NUTM1: variants seen among roughly 807,000 people sequenced by gnomAD.
NUTM1 encodes the protein NUT midline carcinoma family member 1.
In NUTM1, 39 loss-of-function variants were observed where a neutral mutation model predicts 88.7. That is an observed-to-expected ratio of 0.44 (90% confidence interval 0.34 to 0.57). The LOEUF (loss-of-function observed/expected upper bound fraction) is 0.57. Among genes scored for constraint, NUTM1 ranks in the 20% least tolerant of loss-of-function variants. The probability of loss-of-function intolerance (pLI) is 0.01; values close to 1 mark genes in which losing one functional copy is unlikely to be tolerated. For missense variants in NUTM1, 1,350 were observed against 1,414.5 expected, an observed-to-expected ratio of 0.95 and a Z score of 0.73; for synonymous variants, 494 against 538.0, an observed-to-expected ratio of 0.92 and a Z score of 1.13.
chr15:34,347,687 A>G (rs997505224), intron 2 of NUTM1, among the ~76,000 whole-genome samples: 1 of 152,096 alleles, frequency 6.6e-6, no homozygotes, highest in East Asian at 1.9e-4. Context: ...CCCCGTCTCT[A>G]TTAAAAATAC....
chr15:34,349,618 G>A (rs901098600), intron 3 of NUTM1, among the ~76,000 whole-genome samples: 52 of 152,080 alleles, frequency 3.4e-4, no homozygotes, highest in African/African-American at 1.2e-3. Flanking sequence ...CAACTGCCCT[G>A]TGCCCTCAGC....
rs370627533 is a variant in NUTM1, at chr15:34,356,406, C to A, written c.2398C>A (p.Pro800Thr). Residue 800 changes from proline (P) to threonine (T), a missense_variant, in exon 8 of 8, where the codon CCT becomes ACT. Physicochemically the swap from Pro to Thr is conservative, Grantham distance 38 (BLOSUM62 -1). Transcript: ENST00000537011. ...CTCCAGGGGCAACATTTCCCTGGGT[C>A]CTGGAGAAACCCTAGTACCTGGGGA... ...LGSRGNISLG[P>T]GETLVPGDTE... is the part of the protein sequence containing the mutation. 1 of 1,611,050 alleles carries A rather than the reference C, an allele frequency of 6.2e-7. No individual in the cohort carries two copies. The highest frequency in any genetic ancestry group is 1.3e-5 in the African/African-American group (1 of 74,772).
intron 3 of NUTM1, among the ~76,000 whole-genome samples, chr15:34,349,858 T>C (rs76516717): frequency 5.8e-4 from 89 of 152,290 alleles, no homozygotes; most frequent in African/African-American, 1.9e-3. Flanking sequence ...AATTTCAAAA[T>C]CTTGAACCAA....
intron 4 of NUTM1, among the ~76,000 whole-genome samples, chr15:34,351,589 T>C (rs1001505082): frequency 3.2e-4 from 49 of 152,120 alleles, no homozygotes; most frequent in African/African-American, 9.9e-4. Flanking sequence ...GGATTGGAGA[T>C]TGGACCCCGA....
Position 34,355,565 on chromosome 15 carries a change from G to A in NUTM1, c.1557G>A (p.Leu519=). Residue 519 remains leucine (L), a synonymous_variant, in exon 8 of 8, where the codon TTG becomes TTA. Coordinates refer to ENST00000537011, the MANE Select transcript of NUTM1 (RefSeq NM_001284292.2). The surrounding 1 kb of genome is among the most constrained non-coding windows in gnomAD (Gnocchi z 4.3). Reference sequence around the variant, plus strand: ...CTCCAAGTTTCAGTGGCGCTCAGTTGGACTCAAGTCCTTCTGGTTCTGTTG... The same window carrying A: ...CTCCAAGTTTCAGTGGCGCTCAGTTAGACTCAAGTCCTTCTGGTTCTGTTG... ...EAPPSFSGAQ[L]DSSPSGSVED... is the part of the protein sequence containing the mutation. 2 of 1,614,198 alleles carry A rather than the reference G, an allele frequency of 1.2e-6. No individual in the cohort carries two copies. Among genetic ancestry groups the A allele is most frequent in the Non-Finnish European group, 1.7e-6 (2 of 1,180,018 alleles).
chr15:34,352,403 C>T (rs1232934042), intron 4 of NUTM1, among the ~76,000 whole-genome samples: 2 of 152,076 alleles, frequency 1.3e-5, no homozygotes, highest in African/African-American at 4.8e-5. Context: ...GAGGATCCCA[C>T]TGTGAGATCC....
At chr15:34,346,134 C>T (rs563275490) in intron 2 of NUTM1, 99 bp downstream of exon 2, 63 of 1,224,016 alleles carry the variant, frequency 5.1e-5, no homozygotes, top group Middle Eastern at 2.1e-4. Context: ...TGCTACACCC[C>T]GTCAAAGGTA....
rs1328947499 is a variant in NUTM1 at position 34,355,708 on chromosome 15, G to C, written c.1700G>C (p.Gly567Ala). Residue 567 changes from glycine to alanine, a missense_variant, in exon 8 of 8, where the codon GGG becomes GCG. This residue lies in a region of NUTM1 where 730 missense variants were observed against 728.8 expected (regional missense o/e 1.00). Transcript: ENST00000537011. The surrounding 1 kb of genome is among the most constrained non-coding windows in gnomAD (Gnocchi z 4.3). ...AAACGGGCAAGAGAAGTGCATGGTG[G>C]GCAGGAGCAAGCCCTAGATAGCCCC... ...SGKRAREVHG[G>A]QEQALDSPRG... 1.2e-6 allele frequency: 2 copies of C among 1,610,984 alleles called. No homozygotes were observed. The highest frequency in any genetic ancestry group is 2.7e-5 in the African/African-American group (2 of 74,818).
At chr15:34,345,891 T>C (rs1371087982) in intron 1 of NUTM1, 51 bp from the exon 2 acceptor site, 2 of 1,605,532 alleles carry the variant, frequency 1.2e-6, no homozygotes, top group East Asian at 2.2e-5. Context: ...TTCTGTGTGA[T>C]CTGATCTTTA....
At position 34,348,238 on chromosome 15, in the gene NUTM1, G is replaced by A. The variant is rs202160501; in HGVS notation, c.370G>A (p.Gly124Arg). ...GKVIVKVKTE[G>R]GSAEPSQTQN... ...GGTCATTGTCAAAGTCAAGACAGAA[G>A]GGGGGTCAGCTGAGCCCTCTCAAAC... is the stretch of plus-strand genomic sequence containing the variant. The change falls in exon 3 of 8, where the codon GGG becomes AGG. Residue 124 changes from glycine (G) to arginine (R), a missense_variant. Gly to Arg is a moderately radical substitution (Grantham distance 125). This residue lies in a region of NUTM1 where 399 missense variants were observed against 397.9 expected (regional missense o/e 1.00). Transcript: ENST00000537011. The A allele has an allele frequency of 1.2e-6, 2 of 1,614,224 alleles. No homozygotes were observed. The highest frequency in any genetic ancestry group is 4.5e-5 in the East Asian group (2 of 44,888).
chr15:34,355,702 A>C lies in NUTM1; in HGVS notation c.1694A>C (p.His565Pro). 6.2e-7 allele frequency: 1 copy of C among 1,610,626 alleles called. No individual in the cohort carries two copies. The highest frequency in any genetic ancestry group is 8.5e-7 in the Non-Finnish European group (1 of 1,178,046). ...TCAGGAAAACGGGCAAGAGAAGTGCATGGTGGGCAGGAGCAAGCCCTAGAT... is the reference window on the plus strand; with the variant it reads ...TCAGGAAAACGGGCAAGAGAAGTGCCTGGTGGGCAGGAGCAAGCCCTAGAT... ...SSSGKRAREV[H>P]GGQEQALDSP... Residue 565 changes from histidine to proline, a missense_variant, in exon 8 of 8, where the codon CAT (histidine) becomes CCT (proline). His to Pro is a moderately conservative substitution (Grantham distance 77). Around this residue, in one of 5 missense-constraint regions of NUTM1, gnomAD observed 730 missense variants for 728.8 expected, o/e 1.00. Transcript: ENST00000537011. This position sits in a 1 kb window ranked among gnomAD's most constrained non-coding sequence, Gnocchi z 4.3.
intron 3 of NUTM1, among the ~76,000 whole-genome samples, chr15:34,350,210 G>C (rs867722274): frequency 6.6e-6 from 1 of 152,136 alleles, no homozygotes; most frequent in African/African-American, 2.4e-5. Context: ...GCATTTAACT[G>C]TCTGTGGGGA....
chr15:34,343,701 T>C lies in NUTM1; in HGVS notation c.5T>C (p.Val2Ala), dbSNP rs746128662. Reference protein sequence around the residue: MVVTLGPGPDCL... With the variant: MAVTLGPGPDCL... The stretch of plus-strand genomic sequence containing the variant: ...GCAAATTCAGCGCTCTTTCTTATGG[T>C]GGTGAGTAGCTAATAATAACGTAAT... The change falls in exon 1 of 8, where the codon GTG (valine) becomes GCG (alanine). Residue 2 changes from valine to alanine, a missense_variant and splice_region_variant. Physicochemically the swap from Val to Ala is moderately conservative, Grantham distance 64. Around this residue, in one of 5 missense-constraint regions of NUTM1, gnomAD observed 399 missense variants for 397.9 expected, o/e 1.00. Coordinates refer to ENST00000537011, the MANE Select transcript of NUTM1 (RefSeq NM_001284292.2). 2 of 1,534,026 alleles carry C rather than the reference T, an allele frequency of 1.3e-6. No individual in the cohort carries two copies. Among genetic ancestry groups the C allele is most frequent in the South Asian group, 2.4e-5 (2 of 84,044 alleles).
At position 34,353,740 on chromosome 15, in the gene NUTM1, A is replaced by T; in HGVS notation, c.943A>T (p.Met315Leu). The change falls in exon 5 of 8, where the codon ATG becomes TTG. Residue 315 changes from methionine (M) to leucine (L), a missense_variant. Transcript: ENST00000537011. ...MIFYEMAERF[M>L]EFEAEEMQIQ... Reference sequence around the variant, plus strand: ...TGCCTTTCTCACCCTCTGCAGGTTCATGGAGTTTGAGGCTGAGGAGATGCA... The same window carrying T: ...TGCCTTTCTCACCCTCTGCAGGTTCTTGGAGTTTGAGGCTGAGGAGATGCA... The T allele has an allele frequency of 6.2e-7, 1 of 1,614,014 alleles. No homozygotes were observed. The highest frequency in any genetic ancestry group is 8.5e-7 in the Non-Finnish European group (1 of 1,179,990).
In NUTM1 at chr15:34,353,717, C is replaced by G. The variant is rs375893858; in HGVS notation, c.939-19C>G. On this transcript the variant is annotated intron_variant, in intron 4 of 7. Coordinates refer to ENST00000537011, the MANE Select transcript of NUTM1 (RefSeq NM_001284292.2). ...GGTCTCCTTCTCAGCATTGCCTATG[C>G]CTTTCTCACCCTCTGCAGGTTCATG... The G allele has an allele frequency of 2.9e-5, 46 of 1,613,796 alleles. No individual in the cohort carries two copies. The African/African-American group carries it at 5.5e-4, about 19-fold the overall frequency.
intron 4 of NUTM1, among the ~76,000 whole-genome samples, chr15:34,352,856 C>T (rs1365997771): frequency 7.1e-6 from 1 of 140,388 alleles, no homozygotes; most frequent in Non-Finnish European, 1.5e-5. Context: ...GAGAAGTTTA[C>T]AAGCTCTAGA....
Position 34,354,611 on chromosome 15 carries a change from G to A in NUTM1, c.1241G>A (p.Gly414Glu), listed in dbSNP as rs529792039. The part of the protein sequence containing the change: ...EWLVGTHLAT[G>E]ESDGKQEEEG... Reference sequence around the variant, plus strand: ...CTGGTGGGGACTCACTTGGCCACTGGGGAGTCAGATGGAAAACAAGAGGAA... The same window carrying A: ...CTGGTGGGGACTCACTTGGCCACTGAGGAGTCAGATGGAAAACAAGAGGAA... Residue 414 changes from glycine (G) to glutamate (E), a missense_variant, in exon 6 of 8, where the codon GGG (glycine) becomes GAG (glutamate). Physicochemically the swap from Gly to Glu is moderately conservative, Grantham distance 98. Transcript: ENST00000537011. The A allele has an allele frequency of 4.5e-5, 72 of 1,614,162 alleles. No individual in the cohort carries two copies. In the South Asian group the frequency reaches 7.1e-4, roughly 16 times the overall value.
At chr15:34,353,518 G>A (rs539857041) in intron 4 of NUTM1, among the ~76,000 whole-genome samples, 1 of 152,236 alleles carries the variant, frequency 6.6e-6, no homozygotes, top group African/African-American at 2.4e-5. Flanking sequence ...AGCTTCCTAA[G>A]TTATGACTAT....
In NUTM1 at chr15:34,354,663, G is replaced by A; in HGVS notation, c.1293G>A (p.Gly431=). 1.2e-6 allele frequency: 2 copies of A among 1,614,172 alleles called. No homozygotes were observed. The highest frequency in any genetic ancestry group is 1.1e-5 in the South Asian group (1 of 91,080). Residue 431 remains glycine (G), a synonymous_variant, in exon 6 of 8, where the codon GGG becomes GGA. Coordinates refer to ENST00000537011, the MANE Select transcript of NUTM1 (RefSeq NM_001284292.2). ...EEEGQQQEEE[G]MYPDPGLLSY... ...AAGGGCAGCAGCAGGAGGAGGAAGGGATGTATCCAGATCCAGGTCTCCTGA... is the reference window on the plus strand; with the variant it reads ...AAGGGCAGCAGCAGGAGGAGGAAGGAATGTATCCAGATCCAGGTCTCCTGA...
Sources: allele counts gnomAD v4.1 joint callset (sites outside exome capture counted in the v4.1 genomes callset), GRCh38; gene constraint gnomAD v4.1.1; regional missense constraint gnomAD v4.1.1; non-coding constraint Gnocchi (gnomAD v3.1); transcripts MANE v1.5; gene names NCBI Gene and HGNC (gene_info 2026-07-23, HGNC 2026-07-21).